The following OR2L13 variants were observed in gnomAD, a reference collection of about 807,000 sequenced individuals.
The protein encoded by OR2L13 is olfactory receptor 2L13.
In OR2L13, 14 loss-of-function variants were observed where a neutral mutation model predicts 15.3. The ratio of observed to expected loss-of-function variants is 0.91; its 90% CI spans 0.60 to 1.43. OR2L13 has a LOEUF of 1.43. Ranked by LOEUF, OR2L13 falls within the 40% of genes most tolerant of loss-of-function variation. The probability of loss-of-function intolerance (pLI) is 0.00; values close to 1 mark genes in which losing one functional copy is unlikely to be tolerated. For synonymous variants in OR2L13, 152 were observed against 142.9 expected (o/e 1.06, Z -0.45); for missense variants, 367 against 387.9 (o/e 0.95, Z 0.45).
the OR2L13 span, among the ~76,000 whole-genome samples, chr1:248,050,503 A>G: frequency 4.6e-5 from 7 of 152,054 alleles, no homozygotes; most frequent in African/African-American, 1.7e-4. Flanking sequence ...AGGACATTAG[A>G]ATATTAGAAC....
chr1:248,069,880 G>A, the OR2L13 span, among the ~76,000 whole-genome samples: 1 of 152,086 alleles, frequency 6.6e-6, no homozygotes, highest in Non-Finnish European at 1.5e-5. Flanking sequence ...GACAAAGAAG[G>A]CCATCACATA....
the OR2L13 span, among the ~76,000 whole-genome samples, chr1:247,951,856 G>C: frequency 1.3e-5 from 2 of 152,174 alleles, no homozygotes; most frequent in African/African-American, 4.8e-5. Context: ...GGGACACTTG[G>C]ACCCTACTGC....
chr1:247,970,426 T>C, the OR2L13 span, among the ~76,000 whole-genome samples: 7 of 152,130 alleles, frequency 4.6e-5, no homozygotes, highest in East Asian at 1.3e-3. Context: ...TGTAATAGTT[T>C]TGTAATAGTT....
At chr1:248,070,042 C>T in the OR2L13 span, among the ~76,000 whole-genome samples, 1 of 151,982 alleles carries the variant, frequency 6.6e-6, no homozygotes, top group Non-Finnish European at 1.5e-5. Context: ...TTTAACACCC[C>T]ACTGTCAACA....
the OR2L13 span, chr1:247,974,618 G>A: frequency 6.1e-6 from 1 of 163,490 alleles, no homozygotes; most frequent in East Asian, 1.8e-4. Context: ...GTGTATATGA[G>A]ACTCAATATT....
At chr1:248,039,098 C>T in the OR2L13 span, 2 of 1,614,024 alleles carry the variant, frequency 1.2e-6, no homozygotes, top group Admixed American at 3.3e-5. Context: ...CTGTTTTCTA[C>T]ACCATCCTCA....
chr1:248,089,488 C>T, the OR2L13 span, among the ~76,000 whole-genome samples: 5 of 152,116 alleles, frequency 3.3e-5, no homozygotes, highest in Admixed American at 3.3e-4. Context: ...CCTGTAAGTT[C>T]CTCCAAGTGC....
At chr1:248,016,656 G>T in the OR2L13 span, among the ~76,000 whole-genome samples, 1 of 151,870 alleles carries the variant, frequency 6.6e-6, no homozygotes, top group Non-Finnish European at 1.5e-5. Flanking sequence ...CAGATGTACT[G>T]CCTAAAAATA....
chr1:248,029,400 A>C, the OR2L13 span, among the ~76,000 whole-genome samples: 1 of 152,154 alleles, frequency 6.6e-6, no homozygotes. Context: ...TTTAGTAAGA[A>C]AATAAGAAAT....
the OR2L13 span, chr1:248,061,006 G>A: frequency 3.0e-5 from 49 of 1,613,974 alleles, no homozygotes; most frequent in Admixed American, 8.3e-5. Context: ...ATTAGGAGGT[G>A]CAGAAGCACT....
chr1:248,050,093 G>A, the OR2L13 span, among the ~76,000 whole-genome samples: 453 of 152,286 alleles, frequency 3.0e-3, 5 homozygotes, highest in East Asian at 0.041. Context: ...TGTGTGGAGA[G>A]AGTCTGTGAA....
chr1:248,007,610 T>C, the OR2L13 span, among the ~76,000 whole-genome samples: 1 of 152,122 alleles, frequency 6.6e-6, no homozygotes, highest in African/African-American at 2.4e-5. Context: ...CCTCACAGAG[T>C]TCTTGGCTAA....
chr1:247,978,882 C>T, the OR2L13 span, among the ~76,000 whole-genome samples: 3 of 151,932 alleles, frequency 2.0e-5, no homozygotes, highest in African/African-American at 7.3e-5. Flanking sequence ...TTGGTGGTCC[C>T]CTGAAGATGA....
the OR2L13 span, among the ~76,000 whole-genome samples, chr1:247,973,842 A>G: frequency 6.6e-6 from 1 of 152,224 alleles, no homozygotes; most frequent in Admixed American, 6.5e-5. Flanking sequence ...AGTGTAAATT[A>G]GTTCAACCAT....
chr1:247,982,196 G>A, the OR2L13 span, among the ~76,000 whole-genome samples: 5,898 of 152,180 alleles, frequency 0.039, 354 homozygotes, highest in African/African-American at 0.13. Context: ...ATAAAACTGA[G>A]GACAGTGTAG....
At chr1:247,986,120 C>T in the OR2L13 span, among the ~76,000 whole-genome samples, 4 of 152,078 alleles carry the variant, frequency 2.6e-5, no homozygotes, top group Non-Finnish European at 5.9e-5. Flanking sequence ...TTAATTAGAT[C>T]CCATTTGTCA....
chr1:248,028,337 C>T, the OR2L13 span, among the ~76,000 whole-genome samples: 1 of 152,046 alleles, frequency 6.6e-6, no homozygotes, highest in Non-Finnish European at 1.5e-5. Context: ...TAACAATCCA[C>T]CTGCCTCAGT....
chr1:248,084,753 A>G, the OR2L13 span: 4 of 1,176,974 alleles, frequency 3.4e-6, no homozygotes, highest in South Asian at 1.6e-5. Flanking sequence ...AGATGGTCTC[A>G]TTCAGGGACC....
chr1:248,022,139 G>C, the OR2L13 span: 3 of 1,613,892 alleles, frequency 1.9e-6, no homozygotes, highest in Non-Finnish European at 2.5e-6. Flanking sequence ...TGCTTAGTCA[G>C]CTCTCCCTCA....
Sources: allele counts gnomAD v4.1 joint callset (sites outside exome capture counted in the v4.1 genomes callset), GRCh38; gene constraint gnomAD v4.1.1; transcripts MANE v1.5; gene names NCBI Gene and HGNC (gene_info 2026-07-23, HGNC 2026-07-21).